The following RAC1 variants were observed in gnomAD, a reference collection of about 807,000 sequenced individuals.
RAC1 encodes ras-related C3 botulinum toxin substrate 1.
A neutral mutation model predicts 25.2 loss-of-function variants in RAC1; 2 were observed. The observed-to-expected ratio is 0.08, with a 90% CI of 0.03 to 0.25. RAC1 has a LOEUF of 0.25. Ranked by LOEUF, RAC1 falls within the 10% of genes least tolerant of loss-of-function variation. The pLI, the probability that RAC1 is intolerant of heterozygous loss-of-function variation, is 1.00. For synonymous variants in RAC1, 88 were observed against 94.0 expected (o/e 0.94, Z 0.37); for missense variants, 50 against 235.7 (o/e 0.21, Z 5.16).
At chr7:6,378,166 C>T (rs889977467) in intron 1 of RAC1, among the ~76,000 whole-genome samples, 2 of 149,906 alleles carry the variant, frequency 1.3e-5, no homozygotes, top group African/African-American at 4.9e-5. Flanking sequence ...TAAATAATTC[C>T]TTCATGAAAA....
rs569596714 is a variant in RAC1 at position 6,388,409 on chromosome 7, G to T, written c.107+1126G>T. On this transcript the variant is annotated intron_variant, in intron 2 of 5. Transcript: ENST00000348035. Reference sequence around the variant, plus strand: ...TGCCCAGGATGGAGTGCTGTGATGCGATCTCAGCTCACTGCAGCGTCTGCC... The same window carrying T: ...TGCCCAGGATGGAGTGCTGTGATGCTATCTCAGCTCACTGCAGCGTCTGCC... 2.4e-4 allele frequency among the ~76,000 whole-genome samples: 35 copies of T among 144,740 alleles called. 1 individual carries two copies. The highest frequency in any genetic ancestry group is 8.8e-4 in the South Asian group (4 of 4,520). 95.0% of individuals were successfully genotyped at this position (144,740 alleles called of 152,430 possible). A position where few individuals can be genotyped will look rare whatever the true frequency, so the allele number is the denominator to read the frequency against.
At chr7:6,392,718 G>A (rs567266403) in intron 3 of RAC1, among the ~76,000 whole-genome samples, 39 of 152,284 alleles carry the variant, frequency 2.6e-4, no homozygotes, top group Non-Finnish European at 4.6e-4. Flanking sequence ...GGTTTTACTT[G>A]TGTATCATTT....
At chr7:6,382,735 T>G (rs760180848) in intron 1 of RAC1, among the ~76,000 whole-genome samples, 6 of 152,098 alleles carry the variant, frequency 3.9e-5, no homozygotes, top group Non-Finnish European at 5.9e-5. Flanking sequence ...TAGCTGGATG[T>G]GGTGGTGCTT....
chr7:6,400,742 C>G (rs1275745254), intron 4 of RAC1, among the ~76,000 whole-genome samples: 1 of 152,062 alleles, frequency 6.6e-6, no homozygotes, highest in East Asian at 1.9e-4. Context: ...GTGACGCAAT[C>G]TTGGCTCACT....
intron 5 of RAC1, 121 bp downstream of exon 5, chr7:6,402,148 G>C (rs1374227540): frequency 6.9e-6 from 10 of 1,441,674 alleles, no homozygotes; most frequent in South Asian, 1.3e-5. Flanking sequence ...TACTCTTGGG[G>C]AACCAGCTGG....
At chr7:6,388,950 C>T (rs7790101) in intron 2 of RAC1, among the ~76,000 whole-genome samples, 21,649 of 151,954 alleles carry the variant, frequency 0.14, 1,751 homozygotes, top group Admixed American at 0.22. Flanking sequence ...CCTGTAATCC[C>T]AGCACTTTGG....
chr7:6,395,808 G>A (rs922621353), intron 3 of RAC1, among the ~76,000 whole-genome samples: 2 of 152,240 alleles, frequency 1.3e-5, no homozygotes, highest in Non-Finnish European at 2.9e-5. Context: ...CAGAATGTCT[G>A]TGTGTTTTAA....
intron 3 of RAC1, among the ~76,000 whole-genome samples, chr7:6,394,601 A>T (rs1335258347): frequency 6.6e-6 from 1 of 152,072 alleles, no homozygotes; most frequent in Non-Finnish European, 1.5e-5. Context: ...TGAGATGCTG[A>T]GCCTCCATGT....
At chr7:6,399,357 T>A (rs1466985560) in intron 3 of RAC1, among the ~76,000 whole-genome samples, 1 of 152,236 alleles carries the variant, frequency 6.6e-6, no homozygotes, top group Non-Finnish European at 1.5e-5. Flanking sequence ...AGGAGAATAT[T>A]TTAGAAATCT....
intron 5 of RAC1, 68 bp from the exon 6 acceptor site, chr7:6,402,248 C>G (rs1416975614): frequency 3.3e-6 from 5 of 1,531,472 alleles, no homozygotes; most frequent in Non-Finnish European, 4.4e-6. Flanking sequence ...GAGCTGCCTC[C>G]CGCTGGTGGT....
At chr7:6,376,536 T>G (rs1782604565) in intron 1 of RAC1, among the ~76,000 whole-genome samples, 1 of 144,124 alleles carries the variant, frequency 6.9e-6, no homozygotes, top group Non-Finnish European at 1.5e-5. Context: ...GGGGTCTCAC[T>G]CTGTCGCCCA....
chr7:6,391,326 CCT>C (rs951243445), intron 2 of RAC1: 2 of 151,994 alleles, frequency 1.3e-5, no homozygotes, highest in African/African-American at 4.8e-5. Flanking sequence ...GTCTGATTTC[CCT>C]CTGTCAGCCT....
intron 1 of RAC1, among the ~76,000 whole-genome samples, chr7:6,379,430 A>G (rs1782702325): frequency 6.6e-6 from 1 of 151,876 alleles, no homozygotes; most frequent in African/African-American, 2.4e-5. Flanking sequence ...ACGCTCCACC[A>G]CACTGACTAA....
chr7:6,401,750 T>TG, intron 4 of RAC1, 118 bp from the exon 5 acceptor site: 1 of 1,032,576 alleles, frequency 9.7e-7, no homozygotes, highest in Non-Finnish European at 1.4e-6. Flanking sequence ...GAAGCCTCCG[T>TG]GGGGAGGCCT....
Position 6,400,149 on chromosome 7 carries a change from C to T in RAC1, c.249C>T (p.Ser83=), listed in dbSNP as rs1461280106. 3 of 1,611,662 alleles carry T rather than the reference C, an allele frequency of 1.9e-6. No homozygotes were observed. The highest frequency in any genetic ancestry group is 1.1e-5 in the South Asian group (1 of 91,006). The change falls in exon 4 of 6, where the codon TCC becomes TCT. Residue 83 remains serine, a synonymous_variant. Coordinates refer to ENST00000348035, the MANE Select transcript of RAC1 (RefSeq NM_006908.5). ...AGGATGTGTTCTTAATTTGCTTTTC[C>T]CTTGTGAGTCCTGCATCATTTGAAA... is the stretch of plus-strand genomic sequence containing the variant. ...PQTDVFLICF[S]LVSPASFENV... is the part of the protein sequence containing the mutation.
intron 1 of RAC1, among the ~76,000 whole-genome samples, chr7:6,377,420 C>T (rs1782640572): frequency 6.6e-6 from 1 of 151,830 alleles, no homozygotes; most frequent in South Asian, 2.1e-4. Context: ...ATGGCGAGAC[C>T]CTGTCTCTGC....
rs918939636 is a variant in RAC1 at position 6,374,659 on chromosome 7, C to T, written c.-77C>T. ...CCCCGCCGCCCGCAAGCCGCGCGCC[C>T]GTCCGCCGCGCCCCGAGCCCGCCGC... is the stretch of plus-strand genomic sequence containing the variant. On this transcript the variant is annotated 5_prime_UTR_variant, in exon 1 of 6. Transcript: ENST00000348035. The T allele has an allele frequency of 7.1e-6, 7 of 988,494 alleles. No individual in the cohort carries two copies. In the African/African-American group the frequency reaches 1.0e-4, roughly 15 times the overall value. The allele number at this position is 988,494 out of a possible 1,614,324, so 61.2% of individuals were successfully genotyped here. A position where few individuals can be genotyped will look rare whatever the true frequency, so the allele number is the denominator to read the frequency against.
chr7:6,391,298 T>G (rs1483311811), intron 2 of RAC1, among the ~76,000 whole-genome samples: 1 of 152,096 alleles, frequency 6.6e-6, no homozygotes, highest in Non-Finnish European at 1.5e-5. Flanking sequence ...TGCTGACCAG[T>G]AGCAATTTTT....
intron 1 of RAC1, among the ~76,000 whole-genome samples, chr7:6,378,731 C>G (rs1782678131): frequency 6.6e-6 from 1 of 151,984 alleles, no homozygotes; most frequent in South Asian, 2.1e-4. Context: ...TTACTGCTGC[C>G]CCACCTTTTA....
Sources: gnomAD v4.1 joint callset for allele counts (sites outside exome capture counted in the v4.1 genomes callset) on GRCh38, gnomAD v4.1.1 for gene constraint, MANE v1.5 for transcripts, NCBI Gene and HGNC (gene_info 2026-07-23, HGNC 2026-07-21) for gene names.